DOCK2: variants seen among roughly 807,000 people sequenced by gnomAD.
DOCK2 encodes the protein dedicator of cytokinesis 2.
Under a neutral mutation model 248.9 loss-of-function variants are expected in DOCK2, and 87 were observed. The ratio of observed to expected loss-of-function variants is 0.35; its 90% CI spans 0.29 to 0.42. DOCK2 has a LOEUF of 0.42. Among genes scored for constraint, DOCK2 ranks in the 10% least tolerant of loss-of-function variants. The pLI is 1.00. For missense variants in DOCK2, 1,747 were observed against 2,300.2 expected (o/e 0.76, Z 4.92); for synonymous variants, 805 against 821.6 (o/e 0.98, Z 0.35).
At chr5:169,814,399 AAGACTGTGGCACTCTCAC>A (rs1178140538) in intron 26 of DOCK2, among the ~76,000 whole-genome samples, 3 of 152,232 alleles carry the variant, frequency 2.0e-5, no homozygotes, top group Non-Finnish European at 4.4e-5. Context: ...AAGGTCATGA[AAGACTGTGGCACTCTCAC>A]AGATTTGGAA....
intron 27 of DOCK2, among the ~76,000 whole-genome samples, chr5:169,944,153 A>G (rs1279449539): frequency 2.6e-5 from 4 of 152,188 alleles, no homozygotes; most frequent in Non-Finnish European, 5.9e-5. Flanking sequence ...GGAGAAATTG[A>G]GGCTCAGGGG....
Position 169,717,405 on chromosome 5 carries a change from G to A in DOCK2, c.2053G>A (p.Ala685Thr). Residue 685 changes from alanine (A) to threonine (T), a missense_variant, in exon 21 of 52, where the codon GCA becomes ACA. By Grantham distance (58) the Ala-to-Thr change is moderately conservative. Around this residue, in one of 4 missense-constraint regions of DOCK2, gnomAD observed 858 missense variants for 1,183.5 expected, o/e 0.72. Coordinates refer to ENST00000520908, the MANE Select transcript of DOCK2 (RefSeq NM_004946.3). ...DALIYIIGLI[A>T]DRKFQHFNTV... is the part of the protein sequence containing the mutation. Reference sequence around the variant, plus strand: ...TCAGATTTACATAATAGGACTCATTGCAGACCGGAAATTTCAGCATTTCAA... The same window carrying A: ...TCAGATTTACATAATAGGACTCATTACAGACCGGAAATTTCAGCATTTCAA... The A allele has an allele frequency of 6.2e-7, 1 of 1,613,814 alleles. No individual in the cohort carries two copies. The highest frequency in any genetic ancestry group is 8.5e-7 in the Non-Finnish European group (1 of 1,179,774).
intron 34 of DOCK2, among the ~76,000 whole-genome samples, chr5:170,031,971 C>T (rs1467132232): frequency 1.3e-5 from 2 of 152,092 alleles, no homozygotes; most frequent in African/African-American, 4.8e-5. Context: ...AACACAATGC[C>T]CCAGTGATCC....
chr5:169,948,613 A>ATT (rs772095719), intron 27 of DOCK2, among the ~76,000 whole-genome samples: 7 of 135,942 alleles, frequency 5.1e-5, no homozygotes, highest in Admixed American at 1.5e-4. Flanking sequence ...TCCACAATTA[A>ATT]TTTTTTTTTT....
rs746844645 is a variant in DOCK2 at position 169,674,456 on chromosome 5, TTTCCTCTGCAAAGAGGTTTTC to T, written c.470+16_470+36del. The T allele has an allele frequency of 6.8e-6, 11 of 1,613,932 alleles. No homozygotes were observed. The East Asian group carries it at 2.5e-4, about 36-fold the overall frequency. ...TGACTATGGCAACAAGTAACCTCTC[TTTCCTCTGCAAAGAGGTTTTC>T]TTCCCCCAGCCATCCTCTTTCTTCC... On this transcript the variant is annotated intron_variant, in intron 6 of 51. Transcript: ENST00000520908.
At chr5:170,017,681 C>T (rs1168381837) in intron 32 of DOCK2, among the ~76,000 whole-genome samples, 2 of 152,070 alleles carry the variant, frequency 1.3e-5, no homozygotes, top group African/African-American at 4.8e-5. Flanking sequence ...GTTATTGTTC[C>T]AAGTTACAGA....
chr5:169,804,466 G>GTGTGTA (rs1767195634), intron 26 of DOCK2, among the ~76,000 whole-genome samples: 1 of 82,022 alleles, frequency 1.2e-5, no homozygotes, highest in African/African-American at 3.1e-5. Flanking sequence ...GTGTGTGTGT[G>GTGTGTA]TGTGTGTGTG....
At position 169,959,989 on chromosome 5, in the gene DOCK2, G is replaced by A. The variant is rs1777020403; in HGVS notation, c.2800-23079G>A. 2.0e-5 allele frequency among the ~76,000 whole-genome samples: 3 copies of A among 152,142 alleles called. No individual in the cohort carries two copies. In the South Asian group the frequency reaches 6.2e-4, roughly 32 times the overall value. On this transcript the variant is annotated intron_variant, in intron 27 of 51. Coordinates refer to ENST00000520908, the MANE Select transcript of DOCK2 (RefSeq NM_004946.3). ...AGAGTAAATAGGTTAAATTAAATTC[G>A]ACCATGTAAAGCTAGATCATCAGAG...
chr5:169,841,708 C>A (rs1458256487), intron 27 of DOCK2, among the ~76,000 whole-genome samples: 1 of 152,180 alleles, frequency 6.6e-6, no homozygotes, highest in Admixed American at 6.5e-5. Flanking sequence ...TCTCTGATCA[C>A]CCTGTCTACA....
At chr5:169,898,839 G>A (rs139027843) in intron 27 of DOCK2, among the ~76,000 whole-genome samples, 50 of 152,262 alleles carry the variant, frequency 3.3e-4, no homozygotes, top group African/African-American at 1.1e-3. Context: ...GATTTGGCCC[G>A]TGGACGGTAG....
intron 26 of DOCK2, among the ~76,000 whole-genome samples, chr5:169,828,560 T>C (rs1769021170): frequency 1.3e-5 from 2 of 152,220 alleles, no homozygotes; most frequent in Non-Finnish European, 2.9e-5. Context: ...CTATGTTCTC[T>C]CTCTGGAGGG....
chr5:169,771,968 C>T (rs114084860), intron 25 of DOCK2, among the ~76,000 whole-genome samples: 1,688 of 152,190 alleles, frequency 0.011, 34 homozygotes, highest in African/African-American at 0.038. Context: ...TCCCATTTGA[C>T]CACACCTCTT....
At chr5:170,014,882 A>G (rs944598435) in intron 32 of DOCK2, among the ~76,000 whole-genome samples, 4 of 152,200 alleles carry the variant, frequency 2.6e-5, no homozygotes, top group Non-Finnish European at 4.4e-5. Flanking sequence ...GTGAATAAAC[A>G]TGATCCAACT....
At chr5:170,079,847 G>A (rs116059354) in intron 49 of DOCK2, 150 of 224,924 alleles carry the variant, frequency 6.7e-4, no homozygotes, top group Non-Finnish European at 1.2e-3. Flanking sequence ...CTTCCCAGTG[G>A]GCCTCGCAGG....
intron 26 of DOCK2, among the ~76,000 whole-genome samples, chr5:169,812,255 C>A (rs531984920): frequency 6.6e-6 from 1 of 152,146 alleles, no homozygotes; most frequent in Non-Finnish European, 1.5e-5. Context: ...GAACGCGAAC[C>A]CTATTGTGAA....
intron 1 of DOCK2, among the ~76,000 whole-genome samples, chr5:169,651,883 G>T (rs574694550): frequency 6.6e-6 from 1 of 152,338 alleles, no homozygotes; most frequent in East Asian, 1.9e-4. Context: ...CAGAGCAGTT[G>T]GTTGCAAAGT....
rs532475769 is a variant in DOCK2, at chr5:169,653,433, CG to C, written c.44-967del. Among the ~76,000 whole-genome samples, 456 of 152,260 alleles carry C rather than the reference CG, an allele frequency of 3.0e-3. 2 individuals are homozygous for C. The highest frequency in any genetic ancestry group is 0.011 in the African/African-American group (439 of 41,548). ...GTTTTGTAGCTGTCACCAGCTAGAG[CG>C]GGTTTGGAGGAGTCTGGAGACGTAG... On this transcript the variant is annotated intron_variant, in intron 1 of 51. Transcript: ENST00000520908.
intron 34 of DOCK2, among the ~76,000 whole-genome samples, chr5:170,029,964 T>A (rs1561888792): frequency 6.6e-6 from 1 of 152,260 alleles, no homozygotes; most frequent in East Asian, 1.9e-4. Flanking sequence ...ACACTTAGAA[T>A]GCAAATGCCA....
intron 22 of DOCK2, among the ~76,000 whole-genome samples, chr5:169,722,509 A>G (rs1170133608): frequency 6.6e-6 from 1 of 152,148 alleles, no homozygotes; most frequent in African/African-American, 2.4e-5. Context: ...TTATGAGGAG[A>G]TGTTCATGCA....
Sources: allele counts gnomAD v4.1 joint callset (sites outside exome capture counted in the v4.1 genomes callset), GRCh38; gene constraint gnomAD v4.1.1; regional missense constraint gnomAD v4.1.1; transcripts MANE v1.5; gene names NCBI Gene and HGNC (gene_info 2026-07-23, HGNC 2026-07-21).